Variants in STRBP observed in about 807,000 individuals in gnomAD.
The protein encoded by STRBP is spermatid perinuclear RNA binding protein.
STRBP carries 13 observed loss-of-function variants against 80.1 expected under a neutral mutation model. That is an observed-to-expected ratio of 0.16 (90% confidence interval 0.11 to 0.26). The LOEUF (loss-of-function observed/expected upper bound fraction) is 0.26, where lower values mean the gene tolerates loss of function less well. Among genes scored for constraint, STRBP ranks in the 10% least tolerant of loss-of-function variants. STRBP has a pLI of 1.00. For missense variants in STRBP, 485 were observed against 815.2 expected, an observed-to-expected ratio of 0.59 and a Z score of 4.93; for synonymous variants, 284 against 291.2, an observed-to-expected ratio of 0.98 and a Z score of 0.25.
rs397950031 is a variant in STRBP, at chr9:123,169,172, CT to C, written c.535+729del. Among the ~76,000 whole-genome samples, 781 of 136,804 alleles carry C rather than the reference CT, an allele frequency of 5.7e-3. 1 individual carries two copies. The highest frequency in any genetic ancestry group is 6.4e-3 in the Non-Finnish European group (397 of 62,376). 89.7% of individuals were successfully genotyped at this position (136,804 alleles called of 152,430 possible). ...CAAGAGCAATATGATGCAAATAATT[CT>C]TTTTTTTTTTTTTTTGGCAGAGTCT... On this transcript the variant is annotated intron_variant, in intron 6 of 18. Coordinates refer to ENST00000348403, the MANE Select transcript of STRBP (RefSeq NM_018387.5).
intron 16 of STRBP, among the ~76,000 whole-genome samples, chr9:123,133,978 C>T (rs143733179): frequency 1.3e-5 from 2 of 151,770 alleles, no homozygotes; most frequent in East Asian, 1.9e-4. Context: ...AAACAGTAAC[C>T]GAGAATTATA....
intron 2 of STRBP, among the ~76,000 whole-genome samples, chr9:123,206,606 A>G (rs2039522869): frequency 6.6e-6 from 1 of 152,030 alleles, no homozygotes; most frequent in Non-Finnish European, 1.5e-5. Flanking sequence ...ATGTCTGAAC[A>G]TTTCCATAAT....
intron 1 of STRBP, among the ~76,000 whole-genome samples, chr9:123,267,490 T>A (rs1418185899): frequency 6.6e-6 from 1 of 151,470 alleles, no homozygotes; most frequent in Non-Finnish European, 1.5e-5. Context: ...TATCCTTACA[T>A]GTCAACCCCC....
chr9:123,201,457 T>C (rs1191517986), intron 2 of STRBP, among the ~76,000 whole-genome samples: 5 of 152,218 alleles, frequency 3.3e-5, no homozygotes, highest in African/African-American at 7.2e-5. Flanking sequence ...CTTGGTTTCA[T>C]TGTTAACCCA....
chr9:123,237,999 G>A (rs1832975), intron 1 of STRBP, among the ~76,000 whole-genome samples: 1 of 151,416 alleles, frequency 6.6e-6, no homozygotes, highest in Non-Finnish European at 1.5e-5. Context: ...CCTTGAGATC[G>A]GAACTTAACC....
intron 1 of STRBP, among the ~76,000 whole-genome samples, chr9:123,262,568 G>A (rs2041181122): frequency 6.6e-6 from 1 of 152,174 alleles, no homozygotes; most frequent in African/African-American, 2.4e-5. Context: ...ACAATGCAAG[G>A]CTGTGATTTT....
At chr9:123,205,499 C>T (rs1379662287) in intron 2 of STRBP, among the ~76,000 whole-genome samples, 1 of 152,142 alleles carries the variant, frequency 6.6e-6, no homozygotes, top group African/African-American at 2.4e-5. Context: ...GCAAAACGAA[C>T]TTAGAATCTG....
At chr9:123,234,217 A>G (rs966327683) in intron 2 of STRBP, among the ~76,000 whole-genome samples, 8 of 150,258 alleles carry the variant, frequency 5.3e-5, no homozygotes, top group South Asian at 2.1e-4. Context: ...AAAAAAAAAA[A>G]AAGAAGTAAA....
intron 6 of STRBP, among the ~76,000 whole-genome samples, chr9:123,169,172 CTTTT>C (rs397950031): frequency 1.5e-5 from 2 of 136,914 alleles, no homozygotes; most frequent in Non-Finnish European, 1.6e-5. Flanking sequence ...GCAAATAATT[CTTTT>C]TTTTTTTTTT....
At chr9:123,259,596 A>G (rs1363435753) in intron 1 of STRBP, among the ~76,000 whole-genome samples, 1 of 152,130 alleles carries the variant, frequency 6.6e-6, no homozygotes, top group Non-Finnish European at 1.5e-5. Context: ...GTAATCCCAG[A>G]TACTGAGGAG....
In STRBP at chr9:123,139,491, T is replaced by A. The variant is rs546695663; in HGVS notation, c.1497+38A>T. 2.0e-6 allele frequency: 3 copies of A among 1,502,940 alleles called. No homozygotes were observed. In the African/African-American group the frequency reaches 4.2e-5, roughly 21 times the overall value. The allele number at this position is 1,502,940 out of a possible 1,614,324, so 93.1% of individuals were successfully genotyped here. ...TCTCTCAAATTTCCTACAATGCACATATATGTTATTTTTTTTCTGAGAAAA... is the reference window on the plus strand; with the variant it reads ...TCTCTCAAATTTCCTACAATGCACAAATATGTTATTTTTTTTCTGAGAAAA... On this transcript the variant is annotated intron_variant, in intron 14 of 18. Coordinates refer to ENST00000348403, the MANE Select transcript of STRBP (RefSeq NM_018387.5).
chr9:123,148,407 CT>C (rs2036912102), intron 11 of STRBP, among the ~76,000 whole-genome samples: 1 of 152,150 alleles, frequency 6.6e-6, no homozygotes, highest in Non-Finnish European at 1.5e-5. Context: ...ATTTCTGTTG[CT>C]TATAAGTTAC....
intron 11 of STRBP, among the ~76,000 whole-genome samples, chr9:123,150,766 C>T (rs1312279030): frequency 7.9e-5 from 12 of 151,978 alleles, no homozygotes; most frequent in Admixed American, 7.9e-4. Flanking sequence ...GTTCAAGGTC[C>T]AAGCAGAGAA....
chr9:123,257,378 A>T (rs2041055648), intron 1 of STRBP, among the ~76,000 whole-genome samples: 1 of 151,556 alleles, frequency 6.6e-6, no homozygotes. Context: ...TGAATTCTGG[A>T]TCACTCTCTC....
At position 123,123,294 on chromosome 9, in the gene STRBP, T is replaced by C. The variant is rs1337109866; in HGVS notation, c.*2303A>G. 1.0e-6 allele frequency: 1 copy of C among 985,284 alleles called. No homozygotes were observed. The highest frequency in any genetic ancestry group is 1.2e-6 in the Non-Finnish European group (1 of 829,932). The allele number at this position is 985,284 out of a possible 1,614,324, so 61.0% of individuals were successfully genotyped here. A position where few individuals can be genotyped will look rare whatever the true frequency, so the allele number is the denominator to read the frequency against. ...GGTGAAGCCAAGAGCTTCATTTATA[T>C]TTCTCTGCTCTTTCAGCTGTAAGTG... On this transcript the variant is annotated 3_prime_UTR_variant, in exon 19 of 19. Coordinates refer to ENST00000348403, the MANE Select transcript of STRBP (RefSeq NM_018387.5).
intron 1 of STRBP, among the ~76,000 whole-genome samples, chr9:123,256,018 CTTTTTTTTTTTTTTTT>C (rs11338372): frequency 1.4e-5 from 1 of 71,488 alleles, no homozygotes; most frequent in Non-Finnish European, 2.4e-5. Flanking sequence ...TCCTTTCTTT[CTTTTTTTTTTTTTTTT>C]TTTTTTTTTT....
intron 2 of STRBP, among the ~76,000 whole-genome samples, chr9:123,220,697 T>C (rs1197031721): frequency 2.6e-5 from 4 of 152,232 alleles, no homozygotes; most frequent in Non-Finnish European, 5.9e-5. Context: ...TGTATTTTTT[T>C]AAGAAACCCA....
In STRBP at chr9:123,179,024, G is replaced by A. The variant is rs113109248; in HGVS notation, c.207C>T (p.Ala69=). 24 of 1,613,896 alleles carry A rather than the reference G, an allele frequency of 1.5e-5. No homozygotes were observed. The highest frequency in any genetic ancestry group is 1.3e-4 in the African/African-American group (10 of 74,902). Residue 69 remains alanine (A), a synonymous_variant, in exon 4 of 19, where the codon GCC becomes GCT. Transcript: ENST00000348403. ...EGETEVKKDE[A]GENYSKDQGG... is the part of the protein sequence containing the mutation. ...ACACTCACTTGGAATAGTTTTCTCC[G>A]GCCTCATCTTTCTTCACTTCTGTCT...
chr9:123,208,911 C>G (rs968530990), intron 2 of STRBP, among the ~76,000 whole-genome samples: 3 of 152,134 alleles, frequency 2.0e-5, no homozygotes, highest in Non-Finnish European at 1.5e-5. Context: ...GTTCCCTTCC[C>G]CGAACACTTT....
Sources: allele counts gnomAD v4.1 joint callset (sites outside exome capture counted in the v4.1 genomes callset), GRCh38; gene constraint gnomAD v4.1.1; transcripts MANE v1.5; gene names NCBI Gene and HGNC (gene_info 2026-07-23, HGNC 2026-07-21).